Variants in COG2 observed in about 807,000 individuals in gnomAD.
The protein encoded by COG2 is conserved oligomeric Golgi complex subunit 2.
Under a neutral mutation model 90.6 loss-of-function variants are expected in COG2, and 52 were observed. The ratio of observed to expected loss-of-function variants is 0.57; its 90% CI spans 0.46 to 0.72. The LOEUF is 0.72. Ranked by LOEUF, COG2 falls within the 30% of genes least tolerant of loss-of-function variation. The pLI is 0.00. For synonymous variants in COG2, 337 were observed against 320.4 expected (o/e 1.05, Z -0.55); for missense variants, 829 against 891.2 (o/e 0.93, Z 0.89).
At chr1:230,671,281 G>A (rs964950840) in intron 7 of COG2, 5 of 266,072 alleles carry the variant, frequency 1.9e-5, no homozygotes, top group South Asian at 7.2e-5. Context: ...GCAGATGAGA[G>A]TGCATGGTTT....
chr1:230,685,390 CTG>C (rs1200601803), intron 12 of COG2, among the ~76,000 whole-genome samples, 154 bp downstream of exon 12: 1 of 152,132 alleles, frequency 6.6e-6, no homozygotes. Flanking sequence ...AGCTCTGTGT[CTG>C]TGTTTCATTT....
intron 12 of COG2, among the ~76,000 whole-genome samples, 155 bp from the exon 13 acceptor site, chr1:230,686,780 T>TA (rs1403177439): frequency 6.6e-6 from 1 of 152,228 alleles, no homozygotes; most frequent in Non-Finnish European, 1.5e-5. Flanking sequence ...TTCCTGTAGA[T>TA]ACAATATTGT....
intron 1 of COG2, among the ~76,000 whole-genome samples, chr1:230,645,250 A>G (rs955541685): frequency 2.0e-5 from 3 of 151,516 alleles, no homozygotes; most frequent in Non-Finnish European, 4.4e-5. Flanking sequence ...AAAAAAAAAA[A>G]AAAAAAGAAA....
intron 4 of COG2, 45 bp downstream of exon 4, chr1:230,663,266 A>G (rs768026163): frequency 1.3e-6 from 2 of 1,484,066 alleles, no homozygotes; most frequent in South Asian, 2.4e-5. Context: ...TCACTGTAGC[A>G]CCTTGTAGTA....
chr1:230,693,219 T>G, intron 17 of COG2, 73 bp from the exon 18 acceptor site: 1 of 893,798 alleles, frequency 1.1e-6, no homozygotes, highest in Admixed American at 1.9e-5. Flanking sequence ...GATGAAGATT[T>G]TCTTTCTTTT....
In COG2 at chr1:230,678,953, G is replaced by A. The variant is rs1451969018; in HGVS notation, c.1067G>A (p.Arg356Gln). Reference protein sequence around the residue: ...ISMDFVRRLERQCGSQASVKR... With the variant: ...ISMDFVRRLEQQCGSQASVKR... ...ATGGATTTTGTCAGAAGATTGGAACGGCAGTGTGGATCACAGGCTAGTGTA... is the reference window on the plus strand; with the variant it reads ...ATGGATTTTGTCAGAAGATTGGAACAGCAGTGTGGATCACAGGCTAGTGTA... The change falls in exon 10 of 18, where the codon CGG becomes CAG. Residue 356 changes from arginine (R) to glutamine (Q), a missense_variant. Arg to Gln is a conservative substitution (Grantham distance 43, BLOSUM62 1). Transcript: ENST00000366669. 13 of 1,613,218 alleles carry A rather than the reference G, an allele frequency of 8.1e-6. No homozygotes were observed. Among genetic ancestry groups the A allele is most frequent in the East Asian group, 2.2e-5 (1 of 44,866 alleles).
intron 7 of COG2, 165 bp downstream of exon 7, chr1:230,669,700 G>A (rs964267713): frequency 8.1e-5 from 45 of 553,354 alleles, no homozygotes; most frequent in Non-Finnish European, 1.1e-4. Context: ...GGTTATAGTT[G>A]GGAAGTAATG....
chr1:230,689,128 T>C (rs942064771), intron 15 of COG2, among the ~76,000 whole-genome samples: 2 of 152,144 alleles, frequency 1.3e-5, no homozygotes, highest in African/African-American at 4.8e-5. Flanking sequence ...CCTAGGAGTT[T>C]GAGACCAGCC....
At chr1:230,642,976 A>G in intron 1 of COG2, 1 of 370,912 alleles carries the variant, frequency 2.7e-6, no homozygotes, top group East Asian at 4.9e-5. Context: ...CATGCAGTGC[A>G]GTCAGATTGC....
chr1:230,660,892 A>G, intron 3 of COG2, 69 bp downstream of exon 3: 1 of 1,087,012 alleles, frequency 9.2e-7, no homozygotes, highest in Non-Finnish European at 1.3e-6. Flanking sequence ...CTTCCAAAAA[A>G]AAATTCCTTT....
chr1:230,649,873 C>G (rs575502413), intron 1 of COG2, among the ~76,000 whole-genome samples: 1 of 152,164 alleles, frequency 6.6e-6, no homozygotes, highest in African/African-American at 2.4e-5. Flanking sequence ...TCATCTTCCT[C>G]CAGCACTTCC....
intron 1 of COG2, among the ~76,000 whole-genome samples, chr1:230,644,836 T>C (rs1317982010): frequency 6.6e-6 from 1 of 152,160 alleles, no homozygotes; most frequent in Non-Finnish European, 1.5e-5. Flanking sequence ...TATGTTGCAG[T>C]TGGAACTGAC....
chr1:230,672,773 A>T (rs1662483789), intron 8 of COG2, among the ~76,000 whole-genome samples: 1 of 152,038 alleles, frequency 6.6e-6, no homozygotes, highest in Admixed American at 6.6e-5. Context: ...TCCATGTTGC[A>T]TTATGATCAC....
chr1:230,654,037 A>T (rs1661985315), intron 1 of COG2, among the ~76,000 whole-genome samples: 1 of 152,188 alleles, frequency 6.6e-6, no homozygotes, highest in African/African-American at 2.4e-5. Flanking sequence ...AGGTGGACAG[A>T]TTGCAAAAAT....
chr1:230,669,732 G>A (rs967485473), intron 7 of COG2, 197 bp downstream of exon 7: 11 of 468,274 alleles, frequency 2.3e-5, no homozygotes, highest in African/African-American at 7.8e-5. Flanking sequence ...GGAATTGGGC[G>A]TGCCGTCTCA....
intron 1 of COG2, among the ~76,000 whole-genome samples, chr1:230,650,888 G>A (rs1488924818): frequency 6.6e-6 from 1 of 152,092 alleles, no homozygotes; most frequent in Non-Finnish European, 1.5e-5. Flanking sequence ...GTGAGAAATA[G>A]GGGTCCAGTT....
intron 1 of COG2, among the ~76,000 whole-genome samples, chr1:230,643,488 C>G (rs1232818131): frequency 6.6e-6 from 1 of 152,166 alleles, no homozygotes; most frequent in Non-Finnish European, 1.5e-5. Flanking sequence ...TTAGTAGCTG[C>G]TTTCAGTGTT....
chr1:230,674,081 A>G (rs543299473), intron 8 of COG2, among the ~76,000 whole-genome samples: 1 of 152,322 alleles, frequency 6.6e-6, no homozygotes, highest in South Asian at 2.1e-4. Flanking sequence ...AGATTAGTGA[A>G]ATGGTGTTTG....
At chr1:230,654,994 G>A (rs1049272461) in intron 1 of COG2, among the ~76,000 whole-genome samples, 23 of 152,138 alleles carry the variant, frequency 1.5e-4, no homozygotes, top group African/African-American at 4.6e-4. Context: ...AGGAGATTTT[G>A]GGCTGAGATG....
Sources: allele counts gnomAD v4.1 joint callset (sites outside exome capture counted in the v4.1 genomes callset), GRCh38; gene constraint gnomAD v4.1.1; transcripts MANE v1.5; gene names NCBI Gene and HGNC (gene_info 2026-07-23, HGNC 2026-07-21).